Variants in GPHN observed in about 807,000 individuals in gnomAD.
GPHN encodes the protein gephyrin.
A neutral mutation model predicts 95.5 loss-of-function variants in GPHN; 17 were observed. That is an observed-to-expected ratio of 0.18 (90% CI 0.12 to 0.27). GPHN has a LOEUF of 0.27. Among genes scored for constraint, GPHN ranks in the 10% least tolerant of loss-of-function variants. The pLI is 1.00. For synonymous variants in GPHN, 320 were observed against 322.5 expected, an observed-to-expected ratio of 0.99 and a Z score of 0.08; for missense variants, 660 against 978.1, an observed-to-expected ratio of 0.67 and a Z score of 4.34.
At chr14:67,044,532 G>C (rs1416293048) in intron 10 of GPHN, among the ~76,000 whole-genome samples, 2 of 151,966 alleles carry the variant, frequency 1.3e-5, no homozygotes, top group Non-Finnish European at 2.9e-5. Context: ...GTTTTCTTCT[G>C]TTGTTGACTA....
At chr14:67,543,996 G>C in the GPHN span, among the ~76,000 whole-genome samples, 2 of 152,174 alleles carry the variant, frequency 1.3e-5, no homozygotes, top group Non-Finnish European at 2.9e-5. Context: ...TTTGAAGTTA[G>C]AGTTTTAATA....
chr14:67,366,902 G>T, the GPHN span, among the ~76,000 whole-genome samples: 2,459 of 141,676 alleles, frequency 0.017, 31 homozygotes, highest in Middle Eastern at 0.087. Flanking sequence ...ACAGCTTCAA[G>T]CCAGGCAGCT....
the GPHN span, among the ~76,000 whole-genome samples, chr14:67,656,923 A>G: frequency 6.6e-6 from 1 of 152,190 alleles, no homozygotes; most frequent in Non-Finnish European, 1.5e-5. Flanking sequence ...CAACTTCTGA[A>G]AGGTGGCAGC....
intron 8 of GPHN, among the ~76,000 whole-genome samples, chr14:66,932,007 A>G (rs571895980): frequency 2.0e-5 from 3 of 152,256 alleles, no homozygotes; most frequent in South Asian, 4.1e-4. Flanking sequence ...AGGCTTTCCA[A>G]ATACTCAAAG....
At chr14:67,361,878 T>C in the GPHN span, among the ~76,000 whole-genome samples, 12 of 152,244 alleles carry the variant, frequency 7.9e-5, no homozygotes, top group Non-Finnish European at 1.5e-5. Context: ...GGAAGTATTA[T>C]AATTTAGTAT....
At chr14:67,153,574 TTG>T (rs2081407610) in intron 18 of GPHN, among the ~76,000 whole-genome samples, 2 of 152,128 alleles carry the variant, frequency 1.3e-5, no homozygotes, top group African/African-American at 4.8e-5. Context: ...ACATATGAAT[TTG>T]GGGGTGGGGA....
chr14:67,574,284 C>T, the GPHN span: 3 of 1,608,792 alleles, frequency 1.9e-6, no homozygotes, highest in East Asian at 2.2e-5. The surrounding 1 kb of genome is among the most constrained non-coding windows in gnomAD (Gnocchi z 4.2). Flanking sequence ...GGCCGATTCA[C>T]CCAGCCTGCT....
At chr14:67,333,110 A>C in the GPHN span, 3 of 626,484 alleles carry the variant, frequency 4.8e-6, no homozygotes, top group South Asian at 7.1e-5. Context: ...GTGAGACGAC[A>C]GTTCCCTTAG....
In GPHN at chr14:66,776,498, C is replaced by A; in HGVS notation, c.178C>A (p.Pro60Thr). 6.3e-7 allele frequency: 1 copy of A among 1,578,570 alleles called. No homozygotes were observed. The highest frequency in any genetic ancestry group is 8.7e-7 in the Non-Finnish European group (1 of 1,149,472). The part of the protein sequence containing the change: ...GGTISAYKIV[P>T]DEIEEIKETL... ...GACTATATCAGCATACAAGATAGTA[C>A]CAGATGAAATAGAAGAAATCAAGGT... Residue 60 changes from proline (P) to threonine (T), a missense_variant, in exon 3 of 23, where the codon CCA becomes ACA. Around this residue, in one of 6 missense-constraint regions of GPHN, gnomAD observed 92 missense variants for 91.9 expected, o/e 1.00. Coordinates refer to ENST00000478722, the MANE Select transcript of GPHN (RefSeq NM_020806.5).
the GPHN span, chr14:67,471,884 G>A: frequency 6.6e-6 from 1 of 152,258 alleles, no homozygotes; most frequent in Non-Finnish European, 1.5e-5. Context: ...CTACCTAAGA[G>A]TCCTAGTGTG....
chr14:67,678,357 G>A, the GPHN span: 445 of 1,614,000 alleles, frequency 2.8e-4, 3 homozygotes, highest in African/African-American at 5.1e-3. Flanking sequence ...CACAACTGAC[G>A]TCCCACAGCC....
At chr14:67,418,954 T>G in the GPHN span, among the ~76,000 whole-genome samples, 1 of 152,100 alleles carries the variant, frequency 6.6e-6, no homozygotes, top group Non-Finnish European at 1.5e-5. Context: ...CCAGACCCAT[T>G]GCTTCCCCAC....
At chr14:67,343,387 T>A in the GPHN span, 1 of 1,612,254 alleles carries the variant, frequency 6.2e-7, no homozygotes, top group Non-Finnish European at 8.5e-7. Context: ...TCAATGGCAT[T>A]TACACGCCTG....
the GPHN span, chr14:67,572,237 G>A: frequency 8.1e-6 from 13 of 1,608,024 alleles, no homozygotes; most frequent in East Asian, 6.7e-5. Flanking sequence ...AAACTGCAGC[G>A]CACCTCATCC....
chr14:67,680,308 T>C, the GPHN span, among the ~76,000 whole-genome samples: 1 of 152,348 alleles, frequency 6.6e-6, no homozygotes, highest in East Asian at 1.9e-4. Context: ...CACAAGGCTC[T>C]GTATCTCTCT....
the GPHN span, among the ~76,000 whole-genome samples, chr14:67,544,646 A>C: frequency 6.6e-6 from 1 of 152,248 alleles, no homozygotes; most frequent in Non-Finnish European, 1.5e-5. Flanking sequence ...AGCATAAGAC[A>C]AGAACAAGAC....
At chr14:67,491,067 G>C in the GPHN span, among the ~76,000 whole-genome samples, 1 of 152,190 alleles carries the variant, frequency 6.6e-6, no homozygotes, top group African/African-American at 2.4e-5. Context: ...CCAGTCACAA[G>C]TAGATCGTCA....
At chr14:66,808,195 T>C (rs924406493) in intron 3 of GPHN, among the ~76,000 whole-genome samples, 1 of 152,248 alleles carries the variant, frequency 6.6e-6, no homozygotes, top group African/African-American at 2.4e-5. Flanking sequence ...GTGAAGTGCC[T>C]GTTTAAGTCT....
chr14:67,692,222 C>T, the GPHN span: 117 of 518,580 alleles, frequency 2.3e-4, no homozygotes, highest in Middle Eastern at 5.3e-4. Context: ...AGCTCTTACT[C>T]ACTGCTATGA....
Sources: allele counts gnomAD v4.1 joint callset (sites outside exome capture counted in the v4.1 genomes callset), GRCh38; gene constraint gnomAD v4.1.1; regional missense constraint gnomAD v4.1.1; non-coding constraint Gnocchi (gnomAD v3.1); transcripts MANE v1.5; gene names NCBI Gene and HGNC (gene_info 2026-07-23, HGNC 2026-07-21).